IGF2R: variants seen among roughly 807,000 people sequenced by gnomAD.
The protein encoded by IGF2R is cation-independent mannose-6-phosphate receptor.
A neutral mutation model predicts 270.6 loss-of-function variants in IGF2R; 91 were observed. The ratio of observed to expected loss-of-function variants is 0.34; its 90% CI spans 0.28 to 0.40. The LOEUF (loss-of-function observed/expected upper bound fraction) is 0.40. Ranked by LOEUF, IGF2R falls within the 10% of genes least tolerant of loss-of-function variation. IGF2R has a pLI of 1.00. For missense variants in IGF2R, 2,805 were observed against 3,188.3 expected (o/e 0.88, Z 2.90); for synonymous variants, 1,316 against 1,258.9 (o/e 1.05, Z -0.96).
Position 160,034,385 on chromosome 6 carries a change from A to AAAC in IGF2R, c.1212-32_1212-30dup, listed in dbSNP as rs555873490. On this transcript the variant is annotated intron_variant, in intron 9 of 47. Transcript: ENST00000356956. The stretch of plus-strand genomic sequence containing the variant: ...TTCAAGTTTTTTTCTTGGTTCTCCC[A>AAAC]AACACATTTGTCTGTGTATTCACAA... 66 of 1,402,564 alleles carry AAAC rather than the reference A, an allele frequency of 4.7e-5. 1 individual carries two copies. In the East Asian group the frequency reaches 1.5e-3, roughly 31 times the overall value. The allele number at this position is 1,402,564 out of a possible 1,614,324, so 86.9% of individuals were successfully genotyped here.
intron 7 of IGF2R, among the ~76,000 whole-genome samples, chr6:160,030,285 G>C (rs1183653589): frequency 6.6e-6 from 1 of 152,224 alleles, no homozygotes; most frequent in Non-Finnish European, 1.5e-5. Flanking sequence ...CAGGGAGGGA[G>C]GGGTAGGGCA....
intron 27 of IGF2R, 107 bp downstream of exon 27, chr6:160,063,737 ACTGT>A: frequency 1.3e-6 from 1 of 754,614 alleles, no homozygotes; most frequent in Admixed American, 2.9e-5. Flanking sequence ...TGAGTGTTCT[ACTGT>A]AAAAAAAAAA....
chr6:160,029,903 A>G (rs952190583), intron 7 of IGF2R, among the ~76,000 whole-genome samples: 1 of 152,194 alleles, frequency 6.6e-6, no homozygotes, highest in African/African-American at 2.4e-5. Context: ...GGGCCTCCAC[A>G]TATAATGGGA....
At chr6:160,042,459 A>C (rs1341990996) in intron 11 of IGF2R, among the ~76,000 whole-genome samples, 1 of 152,114 alleles carries the variant, frequency 6.6e-6, no homozygotes, top group South Asian at 2.1e-4. Flanking sequence ...TTTGTAAGTT[A>C]CTCCTTCAGC....
intron 38 of IGF2R, 99 bp downstream of exon 38, chr6:160,079,886 C>A: frequency 8.7e-7 from 1 of 1,153,850 alleles, no homozygotes; most frequent in South Asian, 1.6e-5. Flanking sequence ...CTCCACGGTC[C>A]TATGAGTGCT....
At chr6:160,044,096 C>T (rs1778011174) in intron 12 of IGF2R, among the ~76,000 whole-genome samples, 1 of 152,212 alleles carries the variant, frequency 6.6e-6, no homozygotes, top group African/African-American at 2.4e-5. Flanking sequence ...GAGACACATT[C>T]TCACCCTTTG....
intron 41 of IGF2R, among the ~76,000 whole-genome samples, chr6:160,086,818 C>CG (rs1442841167): frequency 6.6e-6 from 1 of 152,184 alleles, no homozygotes; most frequent in Non-Finnish European, 1.5e-5. Context: ...GGAAAACACT[C>CG]GGGAAGTGAG....
chr6:160,054,944 C>T (rs998727257), intron 19 of IGF2R, among the ~76,000 whole-genome samples: 3 of 152,078 alleles, frequency 2.0e-5, no homozygotes, highest in Non-Finnish European at 2.9e-5. Context: ...GTGGACGCTG[C>T]GTCACTCACC....
Position 159,986,430 on chromosome 6 carries a change from G to T in IGF2R, c.150-4754G>T, listed in dbSNP as rs1402664373. Among the ~76,000 whole-genome samples the T allele has an allele frequency of 9.2e-4, 107 of 116,872 alleles. 1 individual carries two copies. The highest frequency in any genetic ancestry group is 1.3e-3 in the Admixed American group (16 of 12,136). The allele number at this position is 116,872 out of a possible 152,430, so 76.7% of individuals were successfully genotyped here. ...TGTGTGTGTGTGTGTGTGTGTGTGT[G>T]TTTTTTTTTTTTTTTTAAGTAGATT... On this transcript the variant is annotated intron_variant, in intron 1 of 47. Transcript: ENST00000356956.
Position 159,969,696 on chromosome 6 carries a change from C to T in IGF2R, c.149+301C>T, listed in dbSNP as rs1216949789. 3.9e-5 allele frequency among the ~76,000 whole-genome samples: 6 copies of T among 152,236 alleles called. No homozygotes were observed. In the East Asian group the frequency reaches 1.2e-3, roughly 29 times the overall value. ...TTTGTGCGGAGCGGTCGCCCCGGCC[C>T]TTGGGGTCGGCGCCTGCCCTCGCGC... On this transcript the variant is annotated intron_variant, in intron 1 of 47. Transcript: ENST00000356956.
chr6:160,034,214 T>C (rs1372172027), intron 9 of IGF2R, among the ~76,000 whole-genome samples: 1 of 152,226 alleles, frequency 6.6e-6, no homozygotes, highest in East Asian at 1.9e-4. Flanking sequence ...CAGTTACTAC[T>C]TTGAAGCGAG....
chr6:160,068,278 C>G lies in IGF2R; in HGVS notation c.4145C>G (p.Ser1382Trp). Residue 1382 changes from serine to tryptophan, a missense_variant, in exon 30 of 48, where the codon TCG becomes TGG. Ser to Trp is a radical substitution (Grantham distance 177, BLOSUM62 -3). Around this residue, in one of 2 missense-constraint regions of IGF2R, gnomAD observed 1,851 missense variants for 2,207.2 expected, o/e 0.84. Coordinates refer to ENST00000356956, the MANE Select transcript of IGF2R (RefSeq NM_000876.4). ...GGGGCTGGCAACTCCTTCGACCTCTCGTCCCTGTCAAGGTACAGTGACAAC... is the reference window on the plus strand; with the variant it reads ...GGGGCTGGCAACTCCTTCGACCTCTGGTCCCTGTCAAGGTACAGTGACAAC... ...KDGAGNSFDL[S>W]SLSRYSDNWE... 2 of 1,614,242 alleles carry G rather than the reference C, an allele frequency of 1.2e-6. No individual in the cohort carries two copies. Among genetic ancestry groups the G allele is most frequent in the Non-Finnish European group, 8.5e-7 (1 of 1,180,036 alleles).
Position 160,090,008 on chromosome 6 carries a change from C to G in IGF2R, c.6560C>G (p.Ala2187Gly). 6.2e-7 allele frequency: 1 copy of G among 1,606,380 alleles called. No individual in the cohort carries two copies. The highest frequency in any genetic ancestry group is 1.1e-5 in the South Asian group (1 of 89,390). ...LSSITSSRNP[A>G]CSGANICQVK... ...TCCATCACAAGCTCCAGAAACCCGG[C>G]GTGCTCTGGAGCCAACATATGCCAG... Residue 2187 changes from alanine to glycine, a missense_variant, in exon 44 of 48, where the codon GCG (alanine) becomes GGG (glycine). Ala to Gly is a moderately conservative substitution (Grantham distance 60, BLOSUM62 0). Coordinates refer to ENST00000356956, the MANE Select transcript of IGF2R (RefSeq NM_000876.4).
intron 45 of IGF2R, among the ~76,000 whole-genome samples, chr6:160,101,724 G>C (rs1345474161): frequency 6.6e-6 from 1 of 152,258 alleles, no homozygotes; most frequent in Non-Finnish European, 1.5e-5. Flanking sequence ...GAAGTGTCAA[G>C]TCGTTACACT....
intron 18 of IGF2R, 106 bp downstream of exon 18, chr6:160,048,649 C>T (rs556784458): frequency 1.4e-5 from 16 of 1,137,822 alleles, no homozygotes; most frequent in East Asian, 5.0e-5. Context: ...CACAGCTGCT[C>T]GAGAGAAACC....
intron 4 of IGF2R, 106 bp downstream of exon 4, chr6:160,010,891 C>A: frequency 1.5e-6 from 1 of 664,540 alleles, no homozygotes; most frequent in South Asian, 2.0e-5. Flanking sequence ...TTTTAGCTTC[C>A]AAATTGCATT....
intron 44 of IGF2R, among the ~76,000 whole-genome samples, chr6:160,092,339 G>C (rs1473627195): frequency 2.0e-5 from 3 of 152,260 alleles, no homozygotes; most frequent in Non-Finnish European, 4.4e-5. Flanking sequence ...TGTGTCTGCA[G>C]GAGTCTTCAC....
chr6:160,040,893 G>A (rs978770958), intron 11 of IGF2R, among the ~76,000 whole-genome samples, 169 bp downstream of exon 11: 1 of 138,668 alleles, frequency 7.2e-6, no homozygotes, highest in Non-Finnish European at 1.7e-5. Context: ...CATTGGACTG[G>A]GAGGTGAAAT....
In IGF2R at chr6:160,107,482, A is replaced by G. The variant is rs551545030; in HGVS notation, c.*2398A>G. On this transcript the variant is annotated 3_prime_UTR_variant, in exon 48 of 48. Transcript: ENST00000356956. ...AACTACTTGCCAGCTGTTGTTACAG[A>G]TGATATTTTTAGGAAAACATCCCGT... is the stretch of plus-strand genomic sequence containing the variant. 6.6e-6 allele frequency: 1 copy of G among 152,402 alleles called. No homozygotes were observed. The highest frequency in any genetic ancestry group is 1.9e-4 in the East Asian group (1 of 5,194). The allele number at this position is 152,402 out of a possible 1,614,324, so 9.4% of individuals were successfully genotyped here. A position where few individuals can be genotyped will look rare whatever the true frequency, so the allele number is the denominator to read the frequency against.
Sources: allele counts gnomAD v4.1 joint callset (sites outside exome capture counted in the v4.1 genomes callset), GRCh38; gene constraint gnomAD v4.1.1; regional missense constraint gnomAD v4.1.1; transcripts MANE v1.5; gene names NCBI Gene and HGNC (gene_info 2026-07-23, HGNC 2026-07-21).